The following NLK variants were observed in gnomAD, a reference collection of about 807,000 sequenced individuals.
The protein encoded by NLK is nemo like kinase, also known as serine/threonine-protein kinase NLK.
Under a neutral mutation model 59.0 loss-of-function variants are expected in NLK, and 11 were observed. The ratio of observed to expected loss-of-function variants is 0.19; its 90% CI spans 0.12 to 0.31. The LOEUF is 0.31. Among genes scored for constraint, NLK ranks in the 10% least tolerant of loss-of-function variants. The pLI is 1.00. For synonymous variants in NLK, 235 were observed against 235.9 expected, an observed-to-expected ratio of 1.00 and a Z score of 0.03; for missense variants, 410 against 661.1, an observed-to-expected ratio of 0.62 and a Z score of 4.16.
intron 1 of NLK, among the ~76,000 whole-genome samples, chr17:28,102,559 G>GAAT (rs1014365854): frequency 3.3e-5 from 5 of 149,800 alleles, no homozygotes; most frequent in African/African-American, 1.2e-4. Flanking sequence ...TGAGGCAGGA[G>GAAT]AATCACTTGA....
chr17:28,063,740 A>G (rs974592462), intron 1 of NLK, among the ~76,000 whole-genome samples: 5 of 152,208 alleles, frequency 3.3e-5, no homozygotes, highest in Non-Finnish European at 5.9e-5. Context: ...TTTGCGACAA[A>G]TAGGAGGTTA....
chr17:28,175,242 G>A (rs1032573216), intron 7 of NLK, among the ~76,000 whole-genome samples: 2 of 151,256 alleles, frequency 1.3e-5, no homozygotes, highest in African/African-American at 2.4e-5. Context: ...TCAGGAGATC[G>A]AGATCATCCT....
chr17:28,161,032 G>A (rs955222274), intron 3 of NLK, 128 bp from the exon 4 acceptor site: 8 of 552,446 alleles, frequency 1.4e-5, no homozygotes, highest in African/African-American at 3.8e-5. Flanking sequence ...CCTCTGTCAC[G>A]CTGTCTAGAA....
At chr17:28,178,915 T>TG (rs1173525326) in intron 7 of NLK, among the ~76,000 whole-genome samples, 1 of 152,212 alleles carries the variant, frequency 6.6e-6, no homozygotes, top group East Asian at 1.9e-4. Context: ...TCGGGACACT[T>TG]GCACGGTCTA....
At chr17:28,129,181 G>A (rs549282208) in intron 2 of NLK, among the ~76,000 whole-genome samples, 79 of 152,326 alleles carry the variant, frequency 5.2e-4, no homozygotes, top group Admixed American at 1.9e-3. Context: ...TGGGCTGGGT[G>A]CAGTGTCTCA....
At chr17:28,187,954 C>T (rs552836488) in intron 8 of NLK, among the ~76,000 whole-genome samples, 69 of 152,284 alleles carry the variant, frequency 4.5e-4, no homozygotes, top group Admixed American at 1.2e-3. Context: ...CACTTGTAAT[C>T]CCAGCACTTT....
Position 28,069,333 on chromosome 17 carries a change from C to T in NLK, c.458+26002C>T, listed in dbSNP as rs890654396. On this transcript the variant is annotated intron_variant, in intron 1 of 10. Coordinates refer to ENST00000407008, the MANE Select transcript of NLK (RefSeq NM_016231.5). Reference sequence around the variant, plus strand: ...TTGTTTATCCATCCTTCTGTTCCTTCCAGTTTTAGACTATTCTTACATAAG... The same window carrying T: ...TTGTTTATCCATCCTTCTGTTCCTTTCAGTTTTAGACTATTCTTACATAAG... 1.1e-4 allele frequency among the ~76,000 whole-genome samples: 16 copies of T among 152,152 alleles called. 1 individual carries two copies. The highest frequency in any genetic ancestry group is 7.2e-4 in the Admixed American group (11 of 15,280).
chr17:28,158,468 C>G (rs1907874131), intron 3 of NLK, among the ~76,000 whole-genome samples: 1 of 152,138 alleles, frequency 6.6e-6, no homozygotes, highest in African/African-American at 2.4e-5. Flanking sequence ...ACTCTGTGCT[C>G]TTAAGCTACA....
At chr17:28,088,318 A>T (rs1904356222) in intron 1 of NLK, among the ~76,000 whole-genome samples, 1 of 152,214 alleles carries the variant, frequency 6.6e-6, no homozygotes, top group African/African-American at 2.4e-5. Flanking sequence ...GATGATTAAT[A>T]CCTAGATCCA....
At chr17:28,050,790 A>G (rs1909224926) in intron 1 of NLK, among the ~76,000 whole-genome samples, 2 of 152,110 alleles carry the variant, frequency 1.3e-5, no homozygotes, top group Admixed American at 6.5e-5. Flanking sequence ...GGAAAATGGG[A>G]GTGATCTTTG....
At chr17:28,070,272 C>T (rs1448040390) in intron 1 of NLK, among the ~76,000 whole-genome samples, 1 of 151,274 alleles carries the variant, frequency 6.6e-6, no homozygotes, top group African/African-American at 2.4e-5. Flanking sequence ...GTGCCAAGGT[C>T]ATGAAACTAT....
At chr17:28,178,538 A>G (rs752493371) in intron 7 of NLK, among the ~76,000 whole-genome samples, 11 of 152,204 alleles carry the variant, frequency 7.2e-5, no homozygotes, top group Non-Finnish European at 1.5e-4. Flanking sequence ...TAGGATTGAA[A>G]AGTCTATTGT....
chr17:28,054,430 A>T (rs1274176420), intron 1 of NLK, among the ~76,000 whole-genome samples: 1 of 152,234 alleles, frequency 6.6e-6, no homozygotes, highest in Non-Finnish European at 1.5e-5. Context: ...TGAAAGGTGC[A>T]ACAGTTGGTT....
At chr17:28,140,370 G>A (rs1301280900) in intron 3 of NLK, among the ~76,000 whole-genome samples, 2 of 152,160 alleles carry the variant, frequency 1.3e-5, no homozygotes, top group African/African-American at 4.8e-5. Flanking sequence ...GCACAACATT[G>A]TGAATGTGCT....
intron 5 of NLK, among the ~76,000 whole-genome samples, chr17:28,164,309 G>A (rs950568735): frequency 1.3e-5 from 2 of 150,670 alleles, no homozygotes; most frequent in Admixed American, 1.3e-4. Flanking sequence ...CGTGAAGGCT[G>A]CAGTGAGCTG....
chr17:28,065,962 C>T (rs180706254), intron 1 of NLK, among the ~76,000 whole-genome samples: 1 of 152,284 alleles, frequency 6.6e-6, no homozygotes, highest in East Asian at 1.9e-4. Flanking sequence ...TGACTTCATT[C>T]CCCTATTTCA....
chr17:28,099,555 CT>C (rs989203927), intron 1 of NLK, among the ~76,000 whole-genome samples: 1 of 136,648 alleles, frequency 7.3e-6, no homozygotes, highest in African/African-American at 2.9e-5. Context: ...TGTAAATAGT[CT>C]TTTGTGTTTG....
chr17:28,139,773 C>A (rs1489724712), intron 3 of NLK, among the ~76,000 whole-genome samples: 1 of 152,094 alleles, frequency 6.6e-6, no homozygotes, highest in Non-Finnish European at 1.5e-5. Flanking sequence ...GTGATTTGAA[C>A]CCATATTGTA....
intron 1 of NLK, among the ~76,000 whole-genome samples, chr17:28,119,327 A>G (rs1244744054): frequency 6.6e-6 from 1 of 152,196 alleles, no homozygotes; most frequent in Admixed American, 6.5e-5. Context: ...CACAGGCATG[A>G]CTGGCTTTTG....
Sources: allele counts gnomAD v4.1 joint callset (sites outside exome capture counted in the v4.1 genomes callset), GRCh38; gene constraint gnomAD v4.1.1; transcripts MANE v1.5; gene names NCBI Gene and HGNC (gene_info 2026-07-23, HGNC 2026-07-21).